The following USP44 variants were observed in gnomAD, a reference collection of about 807,000 sequenced individuals.
USP44 encodes ubiquitin specific peptidase 44, also known as ubiquitin carboxyl-terminal hydrolase 44.
A neutral mutation model predicts 69.0 loss-of-function variants in USP44; 61 were observed. That is an observed-to-expected ratio of 0.88 (90% CI 0.72 to 1.09). The LOEUF is 1.09. Ranked by LOEUF, USP44 falls within the 50% of genes least tolerant of loss-of-function variation. The pLI, the probability that USP44 is intolerant of heterozygous loss-of-function variation, is 0.00. For synonymous variants in USP44, 297 were observed against 295.4 expected (o/e 1.01, Z -0.06); for missense variants, 753 against 849.9 (o/e 0.89, Z 1.42).
chr12:95,539,099 T>C (rs2077300846), intron 1 of USP44, among the ~76,000 whole-genome samples: 1 of 152,230 alleles, frequency 6.6e-6, no homozygotes, highest in South Asian at 2.1e-4. Flanking sequence ...CTATAAGGAT[T>C]AAAACTATCT....
chr12:95,548,504 G>A lies in USP44; in HGVS notation c.-71+2768C>T, dbSNP rs890333522. Reference sequence around the variant, plus strand: ...ACTCTGAGGCTGCCGCCGGGACAGGGTCGGAGCGCCGCAGAACCCACCGAA... The same window carrying A: ...ACTCTGAGGCTGCCGCCGGGACAGGATCGGAGCGCCGCAGAACCCACCGAA... On this transcript the variant is annotated intron_variant, in intron 1 of 5. Transcript: ENST00000258499. The surrounding 1 kb of genome is among the most constrained non-coding windows in gnomAD (Gnocchi z 4.1). 1 of 152,312 alleles carries A rather than the reference G, an allele frequency of 6.6e-6. No individual in the cohort carries two copies. Among genetic ancestry groups the A allele is most frequent in the East Asian group, 1.9e-4 (1 of 5,172 alleles). The allele number at this position is 152,312 out of a possible 1,614,324, so 9.4% of individuals were successfully genotyped here.
At chr12:95,529,871 T>C (rs1454447467) in intron 2 of USP44, among the ~76,000 whole-genome samples, 1 of 152,198 alleles carries the variant, frequency 6.6e-6, no homozygotes, top group Non-Finnish European at 1.5e-5. Context: ...AAAGACAAGA[T>C]ATATGACATA....
chr12:95,524,853 A>C (rs931508249), intron 3 of USP44, 65 bp from the exon 4 acceptor site: 1 of 1,395,966 alleles, frequency 7.2e-7, no homozygotes, highest in Non-Finnish European at 9.9e-7. Flanking sequence ...AGCTGAGTGA[A>C]CCTTCTTTTT....
intron 1 of USP44, chr12:95,535,545 T>C (rs2077171887): frequency 6.6e-6 from 1 of 152,136 alleles, no homozygotes; most frequent in Non-Finnish European, 1.5e-5. Context: ...GCAATAAGCT[T>C]TTATTACATT....
chr12:95,527,155 C>T (rs1044581592), intron 3 of USP44, among the ~76,000 whole-genome samples: 3 of 148,276 alleles, frequency 2.0e-5, no homozygotes, highest in Admixed American at 1.4e-4. Flanking sequence ...AGTGGAATGG[C>T]GCGATCTCGG....
chr12:95,543,980 A>G (rs1239478125), intron 1 of USP44, among the ~76,000 whole-genome samples: 27 of 149,114 alleles, frequency 1.8e-4, no homozygotes, highest in Middle Eastern at 6.9e-3. Context: ...AAAAAAAAAA[A>G]AAAAAAAAAG....
intron 1 of USP44, among the ~76,000 whole-genome samples, chr12:95,534,666 A>G (rs1320634022): frequency 6.8e-6 from 1 of 147,364 alleles, no homozygotes; most frequent in Non-Finnish European, 1.5e-5. Context: ...CAGTTTCCAA[A>G]ACTGCATTCC....
chr12:95,528,145 G>A (rs1468712677), intron 3 of USP44, among the ~76,000 whole-genome samples: 4 of 152,144 alleles, frequency 2.6e-5, no homozygotes, highest in South Asian at 2.1e-4. Flanking sequence ...GGCCGAAGAC[G>A]CTTCTCTTTT....
rs781247263 is a variant in USP44, at chr12:95,534,087, G to A, written c.170C>T (p.Ala57Val). 30 of 1,614,076 alleles carry A rather than the reference G, an allele frequency of 1.9e-5. No homozygotes were observed. Among genetic ancestry groups the A allele is most frequent in the Non-Finnish European group, 2.3e-5 (27 of 1,180,048 alleles). The part of the protein sequence containing the change: ...VACGRYIEEH[A>V]LKHFQESSHP... The stretch of plus-strand genomic sequence containing the variant: ...ACTGCTTTCTTGAAAGTGCTTGAGT[G>A]CATGCTCTTCAATATATCTTCCACA... Residue 57 changes from alanine (A) to valine (V), a missense_variant, in exon 2 of 6, where the codon GCA (alanine) becomes GTA (valine). Coordinates refer to ENST00000258499, the MANE Select transcript of USP44 (RefSeq NM_032147.5).
At chr12:95,539,663 C>G (rs1444471835) in intron 1 of USP44, among the ~76,000 whole-genome samples, 1 of 152,174 alleles carries the variant, frequency 6.6e-6, no homozygotes, top group African/African-American at 2.4e-5. Flanking sequence ...CAAACAAAGC[C>G]ATTCAAGCTC....
Position 95,533,780 on chromosome 12 carries a change from A to G in USP44, c.477T>C (p.Gly159=). 4 of 1,614,052 alleles carry G rather than the reference A, an allele frequency of 2.5e-6. No individual in the cohort carries two copies. The highest frequency in any genetic ancestry group is 2.5e-6 in the Non-Finnish European group (3 of 1,180,016). The change falls in exon 2 of 6, where the codon GGT becomes GGC. Residue 159 remains glycine (G), a synonymous_variant. Coordinates refer to ENST00000258499, the MANE Select transcript of USP44 (RefSeq NM_032147.5). ...ALWHRRRILM[G]KIFRTWFEQS... ...GTTCAAACCATGTTCGAAAGATTTT[A>G]CCCATTAGTATCCTTCTCCTGTGCC...
At chr12:95,527,836 CTT>C (rs760231106) in intron 3 of USP44, among the ~76,000 whole-genome samples, 12 of 54,854 alleles carry the variant, frequency 2.2e-4, no homozygotes, top group Admixed American at 4.9e-4. Flanking sequence ...GAGGAAGATG[CTT>C]TTTTTTTTTT....
At chr12:95,546,176 C>T (rs1021153268) in intron 1 of USP44, among the ~76,000 whole-genome samples, 1 of 152,200 alleles carries the variant, frequency 6.6e-6, no homozygotes, top group Non-Finnish European at 1.5e-5. Context: ...CAGCTAACTT[C>T]GTAACAATGG....
At chr12:95,525,313 A>G (rs971075450) in intron 3 of USP44, among the ~76,000 whole-genome samples, 8 of 151,998 alleles carry the variant, frequency 5.3e-5, no homozygotes, top group African/African-American at 1.9e-4. Flanking sequence ...ATTGTGATCC[A>G]CCTGCCTCGT....
intron 1 of USP44, among the ~76,000 whole-genome samples, chr12:95,541,106 C>T (rs781047888): frequency 1.8e-4 from 28 of 152,064 alleles, no homozygotes; most frequent in South Asian, 4.2e-4. Flanking sequence ...GGTGAAACCC[C>T]GTCTCTACTA....
chr12:95,542,809 G>A (rs2077433394), intron 1 of USP44, among the ~76,000 whole-genome samples: 1 of 151,190 alleles, frequency 6.6e-6, no homozygotes, highest in Non-Finnish European at 1.5e-5. Context: ...TAAGTCCTTG[G>A]CTGGGCATGG....
At chr12:95,542,588 C>T (rs771826362) in intron 1 of USP44, among the ~76,000 whole-genome samples, 5 of 151,472 alleles carry the variant, frequency 3.3e-5, no homozygotes, top group Non-Finnish European at 7.4e-5. Context: ...TGGTGAAAAC[C>T]CTGTCTCTAC....
intron 2 of USP44, among the ~76,000 whole-genome samples, chr12:95,532,199 G>A (rs1369481635): frequency 3.1e-5 from 4 of 128,196 alleles, no homozygotes; most frequent in South Asian, 2.4e-4. Flanking sequence ...ACGGAGTCTC[G>A]CTCTGTCACC....
At chr12:95,529,490 C>T (rs2076954009) in intron 2 of USP44, among the ~76,000 whole-genome samples, 1 of 151,730 alleles carries the variant, frequency 6.6e-6, no homozygotes, top group Non-Finnish European at 1.5e-5. Context: ...ATGGCGCAAT[C>T]TCGGCTCACT....
Sources: allele counts gnomAD v4.1 joint callset (sites outside exome capture counted in the v4.1 genomes callset), GRCh38; gene constraint gnomAD v4.1.1; non-coding constraint Gnocchi (gnomAD v3.1); transcripts MANE v1.5; gene names NCBI Gene and HGNC (gene_info 2026-07-23, HGNC 2026-07-21).